HGS: variants seen among roughly 807,000 people sequenced by gnomAD.
The protein encoded by HGS is human growth factor-regulated tyrosine kinase substrate.
Under a neutral mutation model 109.7 loss-of-function variants are expected in HGS, and 63 were observed. That is an observed-to-expected ratio of 0.57 (90% CI 0.47 to 0.71). The LOEUF (loss-of-function observed/expected upper bound fraction) is 0.71, where lower values mean the gene tolerates loss of function less well. Among genes scored for constraint, HGS ranks in the 30% least tolerant of loss-of-function variants. The pLI is 0.00. For synonymous variants in HGS, 546 were observed against 437.3 expected, an observed-to-expected ratio of 1.25 and a Z score of -3.10; for missense variants, 995 against 1,068.3, an observed-to-expected ratio of 0.93 and a Z score of 0.96.
intron 4 of HGS, among the ~76,000 whole-genome samples, chr17:81,687,543 C>T (rs1023023446): frequency 3.9e-5 from 6 of 152,150 alleles, no homozygotes; most frequent in Admixed American, 1.3e-4. Context: ...CTTGTAAGAT[C>T]GGATGTGTCT....
chr17:81,696,497 C>G lies in HGS; in HGVS notation c.1534C>G (p.Gln512Glu). 6.5e-7 allele frequency: 1 copy of G among 1,527,034 alleles called. No individual in the cohort carries two copies. Among genetic ancestry groups the G allele is most frequent in the Non-Finnish European group, 8.8e-7 (1 of 1,135,482 alleles). 94.6% of individuals were successfully genotyped at this position (1,527,034 alleles called of 1,614,324 possible). The stretch of plus-strand genomic sequence containing the variant: ...GCGCCAGCGCCAGATCCAGCTGGCC[C>G]AGAAGCTGGAGATAATGCGGCAGAA... ...AERQRQIQLA[Q>E]KLEIMRQKKQ... The change falls in exon 16 of 22, where the codon CAG (glutamine) becomes GAG (glutamate). Residue 512 changes from glutamine (Q) to glutamate (E), a missense_variant. Coordinates refer to ENST00000329138, the MANE Select transcript of HGS (RefSeq NM_004712.5).
intron 1 of HGS, chr17:81,685,036 T>G: frequency 1.0e-6 from 1 of 985,328 alleles, no homozygotes; most frequent in Admixed American, 6.1e-5. Flanking sequence ...AGGGGCCAGT[T>G]GTTGGAGACA....
Position 81,700,523 on chromosome 17 carries a change from GC to G in HGS, c.1945del (p.Gln649ArgfsTer67). Reference sequence around the variant, plus strand: ...AGCAGGGGCCACTGGGGCGCAGGCGGCCCCCCAGGCCCAGGCCGGACCCACC... The same window carrying G: ...AGCAGGGGCCACTGGGGCGCAGGCGGCCCCCAGGCCCAGGCCGGACCCACC... ...YPAGATGAQA[A>X]PQAQAGPTAS... is the part of the protein sequence containing the mutation. On this transcript the variant is annotated frameshift_variant, in exon 19 of 22. Transcript: ENST00000329138. LOFTEE classifies it high-confidence loss of function. 1.9e-6 allele frequency: 3 copies of G among 1,607,774 alleles called. No homozygotes were observed. Among genetic ancestry groups the G allele is most frequent in the Admixed American group, 3.4e-5 (2 of 59,010 alleles).
At chr17:81,697,349 GCCCCC>G (rs59387473) in intron 18 of HGS, 21 of 61,928 alleles carry the variant, frequency 3.4e-4, no homozygotes, top group East Asian at 1.4e-3. Context: ...CGTGGCATTT[GCCCCC>G]CCCCCCCCCG....
intron 14 of HGS, among the ~76,000 whole-genome samples, chr17:81,695,468 G>T (rs2037131329): frequency 1.3e-5 from 2 of 152,242 alleles, no homozygotes; most frequent in African/African-American, 4.8e-5. Flanking sequence ...GAATATTCCA[G>T]AGCAGCCTAG....
chr17:81,686,038 G>A (rs939056228), intron 2 of HGS, among the ~76,000 whole-genome samples: 2 of 151,948 alleles, frequency 1.3e-5, no homozygotes, highest in African/African-American at 2.4e-5. Flanking sequence ...TCAAACGATC[G>A]TCCCACCTCA....
At chr17:81,701,366 CGCATGAGCTGGCT>C (rs755710729) in intron 21 of HGS, 129 bp from the exon 22 acceptor site, 34 of 977,600 alleles carry the variant, frequency 3.5e-5, no homozygotes, top group African/African-American at 1.1e-4. Context: ...AGGCAAAGGC[CGCATGAGCTGGCT>C]GCATGAGCTG....
At chr17:81,689,332 G>C (rs145724746) in intron 5 of HGS, among the ~76,000 whole-genome samples, 3 of 152,260 alleles carry the variant, frequency 2.0e-5, no homozygotes, top group Admixed American at 6.5e-5. Flanking sequence ...TGGAGTTCAG[G>C]GTTGCTGTCA....
At chr17:81,688,288 C>T (rs2144487253) in intron 4 of HGS, among the ~76,000 whole-genome samples, 1 of 152,322 alleles carries the variant, frequency 6.6e-6, no homozygotes, top group African/African-American at 2.4e-5. Flanking sequence ...CCCCCCGCGT[C>T]TCCCCGGCTG....
intron 4 of HGS, among the ~76,000 whole-genome samples, chr17:81,687,762 G>C (rs191692182): frequency 2.0e-5 from 3 of 152,260 alleles, no homozygotes; most frequent in African/African-American, 7.2e-5. Context: ...TAGTCAGGCT[G>C]CTCCCCTTCT....
chr17:81,696,231 C>A (rs2144500765), intron 15 of HGS, 126 bp from the exon 16 acceptor site: 1 of 1,279,992 alleles, frequency 7.8e-7, no homozygotes, highest in African/African-American at 1.5e-5. Context: ...TCCCCCAGAG[C>A]CCAGCACCTT....
At position 81,695,957 on chromosome 17, in the gene HGS, C is replaced by T. The variant is rs2037140264; in HGVS notation, c.1351C>T (p.Pro451Ser). ...SLFQSINGMH[P>S]QLLELLNQLD... ...CTTCCAGTCCATCAACGGCATGCAC[C>T]CGCAGCTGCTGGAGCTGCTCAACCA... Residue 451 changes from proline (P) to serine (S), a missense_variant, in exon 15 of 22, where the codon CCG (proline) becomes TCG (serine). Pro to Ser is a moderately conservative substitution (Grantham distance 74, BLOSUM62 -1). Around this residue, in one of 6 missense-constraint regions of HGS, gnomAD observed 163 missense variants for 217.8 expected, o/e 0.75. Transcript: ENST00000329138. 1.9e-6 allele frequency: 3 copies of T among 1,577,450 alleles called. No individual in the cohort carries two copies. The highest frequency in any genetic ancestry group is 2.6e-6 in the Non-Finnish European group (3 of 1,157,790).
In HGS at chr17:81,699,449, G is replaced by A. The variant is rs182405691; in HGVS notation, c.1883-1018G>A. ...GTTGGTTTATCTTCTTTTTTGAGAC[G>A]AAGTCTCGCTCTGTCGCCCAGGCTG... On this transcript the variant is annotated intron_variant, in intron 18 of 21. Transcript: ENST00000329138. Among the ~76,000 whole-genome samples the A allele has an allele frequency of 2.4e-3, 364 of 152,244 alleles. 1 individual carries two copies. The highest frequency in any genetic ancestry group is 3.1e-3 in the Non-Finnish European group (209 of 68,030).
chr17:81,695,002 G>T lies in HGS; in HGVS notation c.1054G>T (p.Val352Leu). The T allele has an allele frequency of 1.2e-6, 2 of 1,614,056 alleles. No homozygotes were observed. Among genetic ancestry groups the T allele is most frequent in the Non-Finnish European group, 1.7e-6 (2 of 1,180,014 alleles). ...ARKSPTPSAPVPLTEPAAQPG... is the reference protein window; with the variant it reads ...ARKSPTPSAPLPLTEPAAQPG... The stretch of plus-strand genomic sequence containing the variant: ...CAAGAGCCCCACGCCATCTGCGCCC[G>T]TGCCCCTGACGGAGCCGGCTGCACA... The change falls in exon 13 of 22, where the codon GTG becomes TTG. Residue 352 changes from valine (V) to leucine (L), a missense_variant. Val to Leu is a conservative substitution (Grantham distance 32). Around this residue, in one of 6 missense-constraint regions of HGS, gnomAD observed 300 missense variants for 235.4 expected, o/e 1.27. Coordinates refer to ENST00000329138, the MANE Select transcript of HGS (RefSeq NM_004712.5).
At chr17:81,684,281 G>C (rs1186438933) in intron 1 of HGS, 178 bp downstream of exon 1, 5 of 490,698 alleles carry the variant, frequency 1.0e-5, no homozygotes, top group African/African-American at 8.1e-5. Context: ...CGCGGCCGTG[G>C]GGTCGGCGTC....
Position 81,701,047 on chromosome 17 carries a change from T to G in HGS, c.2139T>G (p.Asn713Lys). ...CATCTGACGTCTTCTCACAACAGAA[T>G]CTCATGACCACCCTCCCAAGCCAGG... ...SMGYQPYNMQ[N>K]LMTTLPSQDA... Residue 713 changes from asparagine to lysine, a missense_variant and splice_region_variant, in exon 21 of 22, where the codon AAT becomes AAG. By Grantham distance (94) the Asn-to-Lys change is moderately conservative (BLOSUM62 0). This residue lies in a region of HGS where 326 missense variants were observed against 309.7 expected (regional missense o/e 1.05). Transcript: ENST00000329138. The G allele has an allele frequency of 6.2e-7, 1 of 1,613,754 alleles. No homozygotes were observed. Among genetic ancestry groups the G allele is most frequent in the African/African-American group, 1.3e-5 (1 of 75,036 alleles).
chr17:81,700,447 C>G lies in HGS; in HGVS notation c.1883-20C>G, dbSNP rs111866889. 2 of 1,541,886 alleles carry G rather than the reference C, an allele frequency of 1.3e-6. No homozygotes were observed. The highest frequency in any genetic ancestry group is 1.8e-6 in the Non-Finnish European group (2 of 1,142,306). The stretch of plus-strand genomic sequence containing the variant: ...CCTGTTGCCCTGGCTGAACCATCTC[C>G]CCTGTCTTGTTTGTCACAGATCCCA... On this transcript the variant is annotated intron_variant, in intron 18 of 21. Transcript: ENST00000329138.
rs201444554 is a variant in HGS, at chr17:81,695,956, C to A, written c.1350C>A (p.His450Gln). Reference protein sequence around the residue: ...LSLFQSINGMHPQLLELLNQL... With the variant: ...LSLFQSINGMQPQLLELLNQL... Reference sequence around the variant, plus strand: ...TCTTCCAGTCCATCAACGGCATGCACCCGCAGCTGCTGGAGCTGCTCAACC... The same window carrying A: ...TCTTCCAGTCCATCAACGGCATGCAACCGCAGCTGCTGGAGCTGCTCAACC... Residue 450 changes from histidine (H) to glutamine (Q), a missense_variant, in exon 15 of 22, where the codon CAC (histidine) becomes CAA (glutamine). By Grantham distance (24) the His-to-Gln change is conservative. Around this residue, in one of 6 missense-constraint regions of HGS, gnomAD observed 163 missense variants for 217.8 expected, o/e 0.75. Transcript: ENST00000329138. 5 of 1,577,450 alleles carry A rather than the reference C, an allele frequency of 3.2e-6. No homozygotes were observed. Among genetic ancestry groups the A allele is most frequent in the Non-Finnish European group, 4.3e-6 (5 of 1,157,832 alleles).
chr17:81,693,133 A>C (rs1198414757), intron 8 of HGS: 2 of 238,726 alleles, frequency 8.4e-6, no homozygotes, highest in Non-Finnish European at 1.6e-5. Context: ...CTTACTGGGC[A>C]TGACAGTCAC....
Sources: gnomAD v4.1 joint callset for allele counts (sites outside exome capture counted in the v4.1 genomes callset) on GRCh38, gnomAD v4.1.1 for gene constraint, gnomAD v4.1.1 regional missense constraint, MANE v1.5 for transcripts, NCBI Gene and HGNC (gene_info 2026-07-23, HGNC 2026-07-21) for gene names.